Variants in PLB1 observed in about 807,000 individuals in gnomAD.
PLB1 encodes the protein phospholipase B1, membrane-associated.
A neutral mutation model predicts 227.4 loss-of-function variants in PLB1; 242 were observed. The observed-to-expected ratio is 1.06, with a 90% confidence interval of 0.96 to 1.18. The LOEUF (loss-of-function observed/expected upper bound fraction) is 1.18. PLB1 is among the 50% of genes most tolerant of loss of function. PLB1 has a pLI of 0.00. For missense variants in PLB1, 1,858 were observed against 1,816.3 expected (o/e 1.02, Z -0.42); for synonymous variants, 757 against 682.2 (o/e 1.11, Z -1.71).
chr2:28,635,316 C>CAAAAAATAAAT (rs1386861220), intron 56 of PLB1, among the ~76,000 whole-genome samples: 4 of 152,038 alleles, frequency 2.6e-5, no homozygotes, highest in African/African-American at 9.7e-5. Flanking sequence ...CCTAGAGTAA[C>CAAAAAATAAAT]AAAAAATAAA....
At chr2:28,573,511 A>G (rs13409024) in intron 21 of PLB1, among the ~76,000 whole-genome samples, 45,829 of 152,104 alleles carry the variant, frequency 0.3, 8,365 homozygotes, top group African/African-American at 0.5. Flanking sequence ...ACTAGTCACA[A>G]TGGACTCTGA....
In PLB1 at chr2:28,590,028, G is replaced by T; in HGVS notation, c.2040G>T (p.Thr680=). ...AGCTGGAGCCTGTTGGCCAGAAGAC[G>T]ACTCGTCATAAGTTTGAAAACAAGA... ...NNMLEPVGQK[T]TRHKFENKIN... is the part of the protein sequence containing the mutation. The change falls in exon 29 of 58, where the codon ACG becomes ACT. Residue 680 remains threonine, a synonymous_variant. Transcript: ENST00000327757. The T allele has an allele frequency of 3.1e-6, 5 of 1,613,762 alleles. No individual in the cohort carries two copies. Among genetic ancestry groups the T allele is most frequent in the Non-Finnish European group, 4.2e-6 (5 of 1,179,786 alleles).
chr2:28,632,705 G>A (rs368568763), intron 55 of PLB1, among the ~76,000 whole-genome samples: 70 of 152,160 alleles, frequency 4.6e-4, no homozygotes, highest in Non-Finnish European at 7.4e-4. Flanking sequence ...GCAGTGAGCT[G>A]AGATTATGCC....
At chr2:28,500,669 T>TG (rs1331967200) in intron 1 of PLB1, among the ~76,000 whole-genome samples, 26 of 151,842 alleles carry the variant, frequency 1.7e-4, no homozygotes, top group Admixed American at 1.4e-3. Flanking sequence ...AATTCATCTA[T>TG]GGGGGGCTAA....
chr2:28,591,032 C>G, intron 29 of PLB1, 101 bp from the exon 30 acceptor site: 1 of 1,449,926 alleles, frequency 6.9e-7, no homozygotes, highest in South Asian at 1.1e-5. Context: ...ACAGGGCAGG[C>G]AGGCCGCAGC....
intron 2 of PLB1, among the ~76,000 whole-genome samples, chr2:28,518,131 G>T (rs1008319935): frequency 1.4e-4 from 22 of 152,030 alleles, no homozygotes; most frequent in Admixed American, 1.3e-4. Flanking sequence ...ATCCTCCTAC[G>T]TCAGCCTGCC....
intron 20 of PLB1, among the ~76,000 whole-genome samples, chr2:28,571,108 T>G (rs1483197264): frequency 6.6e-6 from 1 of 152,210 alleles, no homozygotes; most frequent in Non-Finnish European, 1.5e-5. Flanking sequence ...CTAAAAATTA[T>G]TAGAGCTAAT....
rs749752384 is a variant in PLB1 at position 28,529,702 on chromosome 2, TTC to T, written c.417-22_417-21del. ...TAACAAAATAATATTTAGCCAATTTTTCTCTGTTTCCCTCCCTCTGCACAGAG... is the reference window on the plus strand; with the variant it reads ...TAACAAAATAATATTTAGCCAATTTTTCTGTTTCCCTCCCTCTGCACAGAG... On this transcript the variant is annotated intron_variant, in intron 7 of 57. Transcript: ENST00000327757. 6.2e-6 allele frequency: 10 copies of T among 1,612,162 alleles called. No individual in the cohort carries two copies. The Admixed American group carries it at 6.7e-5, about 11-fold the overall frequency.
At chr2:28,623,177 A>G (rs1212189672) in intron 49 of PLB1, among the ~76,000 whole-genome samples, 1 of 152,208 alleles carries the variant, frequency 6.6e-6, no homozygotes, top group Non-Finnish European at 1.5e-5. Flanking sequence ...GGAAAAGTCA[A>G]TCCTAGCAAG....
rs1230606000 is a variant in PLB1 at position 28,589,733 on chromosome 2, C to G, written c.1979C>G (p.Ser660Cys). 1.2e-6 allele frequency: 2 copies of G among 1,614,066 alleles called. No homozygotes were observed. Among genetic ancestry groups the G allele is most frequent in the Non-Finnish European group, 8.5e-7 (1 of 1,180,028 alleles). ...GACTGTTTCCACTTCAGCAGCAAGT[C>G]TCACTCCCGAGCAGCCAGTGCTCTC... ...APDCFHFSSK[S>C]HSRAASALWN... The change falls in exon 28 of 58, where the codon TCT becomes TGT. Residue 660 changes from serine (S) to cysteine (C), a missense_variant. Physicochemically the swap from Ser to Cys is moderately radical, Grantham distance 112. Coordinates refer to ENST00000327757, the MANE Select transcript of PLB1 (RefSeq NM_153021.5).
At position 28,585,836 on chromosome 2, in the gene PLB1, G is replaced by T. The variant is rs1343242247; in HGVS notation, c.1809G>T (p.Lys603Asn). ...CTACCCTCATCGAATTCAACAAGAA[G>T]TTTCAGGTAAGCCGGGAAGGGGTTC... ...ELATLIEFNK[K>N]FQEKTHQLIE... is the part of the protein sequence containing the mutation. The change falls in exon 26 of 58, where the codon AAG becomes AAT. Residue 603 changes from lysine to asparagine, a missense_variant. Coordinates refer to ENST00000327757, the MANE Select transcript of PLB1 (RefSeq NM_153021.5). 3 of 1,604,244 alleles carry T rather than the reference G, an allele frequency of 1.9e-6. No individual in the cohort carries two copies. The African/African-American group carries it at 4.0e-5, about 21-fold the overall frequency.
chr2:28,628,991 C>A, intron 52 of PLB1, 103 bp from the exon 53 acceptor site: 1 of 957,452 alleles, frequency 1.0e-6, no homozygotes, highest in Non-Finnish European at 1.6e-6. Flanking sequence ...TCAGTTTCTT[C>A]ATTGGTAAAA....
chr2:28,562,043 G>A (rs1202267775), intron 17 of PLB1, among the ~76,000 whole-genome samples: 1 of 152,178 alleles, frequency 6.6e-6, no homozygotes. Context: ...CATAGAGGCA[G>A]AAAGCAAGTT....
chr2:28,598,111 C>G, intron 34 of PLB1, 63 bp downstream of exon 34: 5 of 1,405,436 alleles, frequency 3.6e-6, no homozygotes, highest in Non-Finnish European at 4.9e-6. Context: ...CTTGGCTTCC[C>G]GAAAGTGCCT....
intron 43 of PLB1, among the ~76,000 whole-genome samples, chr2:28,612,769 A>ATTTTTT (rs10557060): frequency 0.018 from 2,227 of 124,786 alleles, 75 homozygotes; most frequent in African/African-American, 0.064. Flanking sequence ...CCACACCTGG[A>ATTTTTT]TTTTTTTTTT....
intron 18 of PLB1, among the ~76,000 whole-genome samples, chr2:28,564,508 GCCT>G (rs1238729466): frequency 6.6e-6 from 1 of 152,196 alleles, no homozygotes; most frequent in East Asian, 1.9e-4. Flanking sequence ...GCCCGGCGGG[GCCT>G]GACATCACCT....
Position 28,593,690 on chromosome 2 carries a change from G to A in PLB1, c.2257G>A (p.Gly753Arg), listed in dbSNP as rs1448405229. 3.7e-6 allele frequency: 6 copies of A among 1,613,974 alleles called. No individual in the cohort carries two copies. The highest frequency in any genetic ancestry group is 5.1e-6 in the Non-Finnish European group (6 of 1,179,998). ...TGGTATATTTTCAAAGGCTGGCAAT[G>A]GAATTGGCTCCAAACCAGACGACCT... The part of the protein sequence containing the change: ...ALGDSLTAGN[G>R]IGSKPDDLPD... The change falls in exon 33 of 58, where the codon GGA (glycine) becomes AGA (arginine). Residue 753 changes from glycine to arginine, a missense_variant. By Grantham distance (125) the Gly-to-Arg change is moderately radical. Coordinates refer to ENST00000327757, the MANE Select transcript of PLB1 (RefSeq NM_153021.5).
intron 22 of PLB1, 38 bp from the exon 23 acceptor site, chr2:28,579,589 G>A: frequency 6.5e-7 from 1 of 1,537,758 alleles, no homozygotes; most frequent in African/African-American, 1.4e-5. Flanking sequence ...CTTGACTCTG[G>A]GACAAGGTGC....
At chr2:28,617,839 G>C in intron 45 of PLB1, 52 bp downstream of exon 45, 1 of 1,545,626 alleles carries the variant, frequency 6.5e-7, no homozygotes, top group Non-Finnish European at 8.9e-7. Flanking sequence ...CCGAATATCA[G>C]GTTGTGGGGA....
Sources: allele counts gnomAD v4.1 joint callset (sites outside exome capture counted in the v4.1 genomes callset), GRCh38; gene constraint gnomAD v4.1.1; transcripts MANE v1.5; gene names NCBI Gene and HGNC (gene_info 2026-07-23, HGNC 2026-07-21).